Variants in ELMO1 observed in about 807,000 individuals in gnomAD.
ELMO1 encodes engulfment and cell motility 1.
ELMO1 carries 26 observed loss-of-function variants against 98.9 expected under a neutral mutation model. The ratio of observed to expected loss-of-function variants is 0.26; its 90% CI spans 0.19 to 0.36. The LOEUF (loss-of-function observed/expected upper bound fraction) is 0.36, where lower values mean the gene tolerates loss of function less well. Ranked by LOEUF, ELMO1 falls within the 10% of genes least tolerant of loss-of-function variation. ELMO1 has a pLI of 1.00. For missense variants in ELMO1, 627 were observed against 935.2 expected, an observed-to-expected ratio of 0.67 and a Z score of 4.30; for synonymous variants, 346 against 346.0, an observed-to-expected ratio of 1.00 and a Z score of 0.00.
chr7:37,140,105 G>C (rs913925117), intron 13 of ELMO1, among the ~76,000 whole-genome samples: 3 of 151,946 alleles, frequency 2.0e-5, no homozygotes, highest in African/African-American at 7.3e-5. Flanking sequence ...GCCGGGCATG[G>C]TGGTTCACGC....
chr7:36,922,295 CTT>C (rs1785207917), intron 16 of ELMO1, among the ~76,000 whole-genome samples: 1 of 137,360 alleles, frequency 7.3e-6, no homozygotes, highest in Non-Finnish European at 1.5e-5. Flanking sequence ...ATTTTATACT[CTT>C]AAACACTTTA....
chr7:37,172,832 G>A (rs886641871), intron 13 of ELMO1, among the ~76,000 whole-genome samples: 5 of 152,156 alleles, frequency 3.3e-5, no homozygotes, highest in Non-Finnish European at 7.4e-5. Context: ...AGTACTGCAT[G>A]CTTGATACAG....
intron 15 of ELMO1, among the ~76,000 whole-genome samples, chr7:37,041,451 T>C (rs1397855708): frequency 2.6e-5 from 4 of 152,220 alleles, no homozygotes; most frequent in Admixed American, 2.6e-4. Flanking sequence ...CAGTGGTCTA[T>C]GTGTGCCAAA....
intron 16 of ELMO1, among the ~76,000 whole-genome samples, chr7:36,917,260 C>G (rs1201212760): frequency 6.6e-6 from 1 of 152,080 alleles, no homozygotes; most frequent in East Asian, 1.9e-4. Context: ...GAATAATATC[C>G]TTTTGAGTAG....
chr7:37,165,353 G>A (rs564533945), intron 13 of ELMO1, among the ~76,000 whole-genome samples: 1 of 151,356 alleles, frequency 6.6e-6, no homozygotes, highest in African/African-American at 2.4e-5. Context: ...GATTGCCCTG[G>A]CCAGAACTTC....
chr7:37,340,750 T>C (rs1001227745), intron 2 of ELMO1, among the ~76,000 whole-genome samples: 4 of 152,106 alleles, frequency 2.6e-5, no homozygotes, highest in South Asian at 2.1e-4. Flanking sequence ...AAAATATATA[T>C]ATTAAAACAC....
At chr7:36,861,757 C>T in intron 20 of ELMO1, 21 bp from the exon 21 acceptor site, 1 of 1,610,894 alleles carries the variant, frequency 6.2e-7, no homozygotes, top group Non-Finnish European at 8.5e-7. Flanking sequence ...TGAGAGAAAA[C>T]AGCACCTTAA....
chr7:37,384,613 G>A (rs561512453), intron 1 of ELMO1, among the ~76,000 whole-genome samples: 20 of 152,178 alleles, frequency 1.3e-4, no homozygotes, highest in South Asian at 4.2e-4. Context: ...CCAGCCACTC[G>A]GGAGACTGAG....
chr7:37,282,540 A>G (rs973250233), intron 4 of ELMO1, among the ~76,000 whole-genome samples: 5 of 152,372 alleles, frequency 3.3e-5, no homozygotes, highest in Non-Finnish European at 2.9e-5. Context: ...TTACACAGCA[A>G]TGTCTCCAGA....
At chr7:37,313,383 C>T (rs1798985577) in intron 4 of ELMO1, among the ~76,000 whole-genome samples, 1 of 152,158 alleles carries the variant, frequency 6.6e-6, no homozygotes, top group Non-Finnish European at 1.5e-5. Flanking sequence ...CATCACCATA[C>T]CCAGCTAATT....
intron 7 of ELMO1, among the ~76,000 whole-genome samples, chr7:37,240,943 T>C (rs1172153916): frequency 1.3e-5 from 2 of 152,122 alleles, no homozygotes; most frequent in African/African-American, 4.8e-5. Context: ...TGTTATTGAG[T>C]CTGATGCTTT....
intron 4 of ELMO1, among the ~76,000 whole-genome samples, chr7:37,303,853 G>C (rs1798472251): frequency 6.6e-6 from 1 of 152,164 alleles, no homozygotes; most frequent in African/African-American, 2.4e-5. Flanking sequence ...CCAAGCATAA[G>C]CTAGGGAGCC....
At chr7:37,412,899 A>G (rs2131502927) in intron 1 of ELMO1, among the ~76,000 whole-genome samples, 1 of 152,324 alleles carries the variant, frequency 6.6e-6, no homozygotes, top group East Asian at 1.9e-4. Context: ...TCTTGGAACA[A>G]GTCCTCCAGC....
chr7:36,953,114 C>T (rs10241255), intron 16 of ELMO1, among the ~76,000 whole-genome samples: 15,982 of 151,596 alleles, frequency 0.11, 1,343 homozygotes, highest in East Asian at 0.27. Context: ...TACAGGCACC[C>T]GCCACCACGC....
At chr7:36,951,505 T>C (rs1222590649) in intron 16 of ELMO1, among the ~76,000 whole-genome samples, 1 of 152,168 alleles carries the variant, frequency 6.6e-6, no homozygotes, top group East Asian at 1.9e-4. Context: ...TGGTTCTCAA[T>C]CTAGGGTGGC....
intron 15 of ELMO1, among the ~76,000 whole-genome samples, chr7:37,017,934 G>T (rs1425596733): frequency 6.6e-6 from 1 of 152,016 alleles, no homozygotes; most frequent in Non-Finnish European, 1.5e-5. Flanking sequence ...ACTTGCATTC[G>T]AATAATTAAA....
intron 16 of ELMO1, among the ~76,000 whole-genome samples, chr7:36,999,208 T>C (rs1053462798): frequency 1.3e-5 from 2 of 152,162 alleles, no homozygotes; most frequent in Non-Finnish European, 2.9e-5. Context: ...TGCCTCTCCA[T>C]GCCTCATCTG....
rs528359429 is a variant in ELMO1 at position 37,184,000 on chromosome 7, G to A, written c.1086+27386C>T. Among the ~76,000 whole-genome samples, 9 of 152,252 alleles carry A rather than the reference G, an allele frequency of 5.9e-5. No homozygotes were observed. The South Asian group carries it at 1.5e-3, about 25-fold the overall frequency. ...CCAACACCTCTAATTTCTCTGCTAA[G>A]ATTCTCATTCATTGAAAACATGGTT... On this transcript the variant is annotated intron_variant, in intron 13 of 21. Coordinates refer to ENST00000310758, the MANE Select transcript of ELMO1 (RefSeq NM_014800.11).
At chr7:37,078,647 ACTT>A (rs1285195693) in intron 15 of ELMO1, among the ~76,000 whole-genome samples, 2 of 152,238 alleles carry the variant, frequency 1.3e-5, no homozygotes, top group South Asian at 2.1e-4. Context: ...TTGACATAGA[ACTT>A]CTTCTAAGAA....
Sources: allele counts gnomAD v4.1 joint callset (sites outside exome capture counted in the v4.1 genomes callset), GRCh38; gene constraint gnomAD v4.1.1; transcripts MANE v1.5; gene names NCBI Gene and HGNC (gene_info 2026-07-23, HGNC 2026-07-21).